The following ADRA1A variants were observed in gnomAD, a reference collection of about 807,000 sequenced individuals.
ADRA1A encodes the protein alpha-1A adrenergic receptor.
In ADRA1A, 31 loss-of-function variants were observed where a neutral mutation model predicts 29.6. The ratio of observed to expected loss-of-function variants is 1.05; its 90% CI spans 0.79 to 1.41. The LOEUF (loss-of-function observed/expected upper bound fraction) is 1.41, where lower values mean the gene tolerates loss of function less well. ADRA1A is among the 40% of genes most tolerant of loss of function. ADRA1A has a pLI of 0.00. For missense variants in ADRA1A, 619 were observed against 601.1 expected, an observed-to-expected ratio of 1.03 and a Z score of -0.31; for synonymous variants, 311 against 254.3, an observed-to-expected ratio of 1.22 and a Z score of -2.12.
Position 26,864,605 on chromosome 8 carries a change from A to T in ADRA1A, c.365T>A (p.Ile122Asn). 1 of 1,614,108 alleles carries T rather than the reference A, an allele frequency of 6.2e-7. No individual in the cohort carries two copies. The highest frequency in any genetic ancestry group is 8.5e-7 in the Non-Finnish European group (1 of 1,180,038). ...ASIMGLCIIS[I>N]DRYIGVSYPL... Reference sequence around the variant, plus strand: ...GTAGCTCACGCCGATGTAGCGGTCGATGGAGATGATGCAGAGGCCCATGAT... The same window carrying T: ...GTAGCTCACGCCGATGTAGCGGTCGTTGGAGATGATGCAGAGGCCCATGAT... Residue 122 changes from isoleucine to asparagine, a missense_variant, in exon 2 of 3, where the codon ATC becomes AAC. Physicochemically the swap from Ile to Asn is moderately radical, Grantham distance 149. Transcript: ENST00000380573. This position sits in a 1 kb window ranked among gnomAD's most constrained non-coding sequence, Gnocchi z 8.1.
At chr8:26,750,002 T>C (rs181426833) in intron 2 of ADRA1A, among the ~76,000 whole-genome samples, 1 of 152,350 alleles carries the variant, frequency 6.6e-6, no homozygotes, top group Non-Finnish European at 1.5e-5. Context: ...TTTGGGCTGC[T>C]GTAACAAAAT....
At chr8:26,751,111 T>A (rs1329943231) in intron 2 of ADRA1A, among the ~76,000 whole-genome samples, 1 of 151,560 alleles carries the variant, frequency 6.6e-6, no homozygotes, top group Non-Finnish European at 1.5e-5. Context: ...CCCATTTGGC[T>A]CTTGTCCTTC....
chr8:26,814,947 T>G (rs1809658325), intron 2 of ADRA1A, among the ~76,000 whole-genome samples: 1 of 152,238 alleles, frequency 6.6e-6, no homozygotes, highest in Non-Finnish European at 1.5e-5. Context: ...AAGTGAGATC[T>G]AAATTAATGG....
downstream of ADRA1A, among the ~76,000 whole-genome samples, chr8:26,754,947 T>C (rs114285961): frequency 4.2e-3 from 643 of 152,336 alleles, 8 homozygotes; most frequent in African/African-American, 0.015. Flanking sequence ...GGGGATATTA[T>C]AGTGATTCAG....
chr8:26,779,288 C>G (rs1170054844), intron 2 of ADRA1A: 2 of 702,268 alleles, frequency 2.8e-6, no homozygotes, highest in Non-Finnish European at 5.2e-6. Context: ...CAACTGGTCA[C>G]CAAACCCCAC....
Position 26,865,399 on chromosome 8 carries a change from G to A in ADRA1A, c.-430C>T. 9.9e-7 allele frequency: 1 copy of A among 1,006,846 alleles called. No homozygotes were observed. Among genetic ancestry groups the A allele is most frequent in the Non-Finnish European group, 1.2e-6 (1 of 842,954 alleles). The allele number at this position is 1,006,846 out of a possible 1,614,324, so 62.4% of individuals were successfully genotyped here. A position where few individuals can be genotyped will look rare whatever the true frequency, so the allele number is the denominator to read the frequency against. ...AGATTCAGCATTCTGCACATGATTCGGAATTCAAAACTCCAGCGCCAGTCT... is the reference window on the plus strand; with the variant it reads ...AGATTCAGCATTCTGCACATGATTCAGAATTCAAAACTCCAGCGCCAGTCT... On this transcript the variant is annotated 5_prime_UTR_variant, in exon 2 of 3. Coordinates refer to ENST00000380573, the MANE Select transcript of ADRA1A (RefSeq NM_000680.4). The surrounding 1 kb of genome is among the most constrained non-coding windows in gnomAD (Gnocchi z 7.6).
At position 26,865,377 on chromosome 8, in the gene ADRA1A, T is replaced by C; in HGVS notation, c.-408A>G. ...CTTATTCGTCCTGGCTGGGGGAAGA[T>C]TCAGCATTCTGCACATGATTCGGAA... On this transcript the variant is annotated 5_prime_UTR_variant, in exon 2 of 3. Transcript: ENST00000380573. This position sits in a 1 kb window ranked among gnomAD's most constrained non-coding sequence, Gnocchi z 7.6. 9.7e-7 allele frequency: 1 copy of C among 1,030,378 alleles called. No homozygotes were observed. Among genetic ancestry groups the C allele is most frequent in the Non-Finnish European group, 1.2e-6 (1 of 858,002 alleles). The allele number at this position is 1,030,378 out of a possible 1,614,324, so 63.8% of individuals were successfully genotyped here. A position where few individuals can be genotyped will look rare whatever the true frequency, so the allele number is the denominator to read the frequency against.
At chr8:26,828,912 G>A (rs1279756247) in intron 2 of ADRA1A, among the ~76,000 whole-genome samples, 1 of 152,110 alleles carries the variant, frequency 6.6e-6, no homozygotes, top group African/African-American at 2.4e-5. Flanking sequence ...TACCTGCCCT[G>A]TGAGCCAAAT....
chr8:26,859,636 T>A (rs961220302), intron 2 of ADRA1A, among the ~76,000 whole-genome samples: 1 of 152,112 alleles, frequency 6.6e-6, no homozygotes, highest in Non-Finnish European at 1.5e-5. Flanking sequence ...GAGGAAATCA[T>A]CTCTTACTCA....
At chr8:26,774,174 C>A (rs748189326) in intron 2 of ADRA1A, among the ~76,000 whole-genome samples, 1 of 152,172 alleles carries the variant, frequency 6.6e-6, no homozygotes, top group Non-Finnish European at 1.5e-5. Flanking sequence ...AAGCCTAGCA[C>A]GGATTTGCAT....
intron 2 of ADRA1A, among the ~76,000 whole-genome samples, chr8:26,758,411 T>A (rs1025725545): frequency 6.6e-6 from 1 of 152,216 alleles, no homozygotes; most frequent in Non-Finnish European, 1.5e-5. Context: ...TTTAGTTGTG[T>A]CTTATTCAGA....
intron 2 of ADRA1A, among the ~76,000 whole-genome samples, chr8:26,824,914 A>G (rs1323142232): frequency 6.6e-6 from 1 of 152,172 alleles, no homozygotes; most frequent in African/African-American, 2.4e-5. Context: ...CCAATGCATG[A>G]GTATGTCTGC....
At chr8:26,771,206 G>A (rs532567814) in intron 2 of ADRA1A, among the ~76,000 whole-genome samples, 1 of 152,190 alleles carries the variant, frequency 6.6e-6, no homozygotes, top group Non-Finnish European at 1.5e-5. Flanking sequence ...CCAAAGTTGG[G>A]CCAGTGATTC....
Position 26,841,377 on chromosome 8 carries a change from T to C in ADRA1A, c.883+22710A>G, listed in dbSNP as rs1395586316. 1.3e-5 allele frequency among the ~76,000 whole-genome samples: 2 copies of C among 152,182 alleles called. No homozygotes were observed. The highest frequency in any genetic ancestry group is 4.8e-5 in the African/African-American group (2 of 41,444). On this transcript the variant is annotated intron_variant, in intron 2 of 2. Transcript: ENST00000380573. The surrounding 1 kb of genome is among the most constrained non-coding windows in gnomAD (Gnocchi z 4.4). The stretch of plus-strand genomic sequence containing the variant: ...GAGCCACCAAAGCCTACCCCACCCT[T>C]GCACCTCCTTTCTTACTCCCTTCTA...
intron 2 of ADRA1A, among the ~76,000 whole-genome samples, chr8:26,862,374 C>T (rs950634683): frequency 1.3e-5 from 2 of 152,222 alleles, no homozygotes; most frequent in Non-Finnish European, 2.9e-5. Context: ...ACTTTCTAGC[C>T]TCTCATCCTG....
At chr8:26,800,794 A>G (rs545600998) in intron 2 of ADRA1A, among the ~76,000 whole-genome samples, 2 of 152,286 alleles carry the variant, frequency 1.3e-5, no homozygotes, top group African/African-American at 4.8e-5. Flanking sequence ...AAACACATGA[A>G]AAATCATCAA....
intron 2 of ADRA1A, among the ~76,000 whole-genome samples, chr8:26,776,830 A>G (rs1806582077): frequency 6.6e-6 from 1 of 152,132 alleles, no homozygotes; most frequent in African/African-American, 2.4e-5. Context: ...AAAAATGTGG[A>G]CTCCAAAGAA....
Position 26,796,668 on chromosome 8 carries a change from A to G in ADRA1A, c.884-26002T>C, listed in dbSNP as rs1274057884. 2.0e-5 allele frequency among the ~76,000 whole-genome samples: 3 copies of G among 152,082 alleles called. No homozygotes were observed. Among genetic ancestry groups the G allele is most frequent in the African/African-American group, 4.8e-5 (2 of 41,432 alleles). On this transcript the variant is annotated intron_variant, in intron 2 of 2. Coordinates refer to ENST00000380573, the MANE Select transcript of ADRA1A (RefSeq NM_000680.4). The surrounding 1 kb of genome is among the most constrained non-coding windows in gnomAD (Gnocchi z 5.0). ...AGTGGAGTGGAGGGTATTTTAAATGAAGGGGAATGATGCTAAAGGAGGGTC... is the reference window on the plus strand; with the variant it reads ...AGTGGAGTGGAGGGTATTTTAAATGGAGGGGAATGATGCTAAAGGAGGGTC...
At chr8:26,776,011 G>A (rs1397888087) in intron 2 of ADRA1A, among the ~76,000 whole-genome samples, 1 of 152,212 alleles carries the variant, frequency 6.6e-6, no homozygotes, top group Non-Finnish European at 1.5e-5. Context: ...AGGCTTATGA[G>A]GGGGCACTAG....
Sources: allele counts gnomAD v4.1 joint callset (sites outside exome capture counted in the v4.1 genomes callset), GRCh38; gene constraint gnomAD v4.1.1; non-coding constraint Gnocchi (gnomAD v3.1); transcripts MANE v1.5; gene names NCBI Gene and HGNC (gene_info 2026-07-23, HGNC 2026-07-21).